The following PCDHA4 variants were observed in gnomAD, a reference collection of about 807,000 sequenced individuals.
The protein encoded by PCDHA4 is protocadherin alpha-4.
A neutral mutation model predicts 61.4 loss-of-function variants in PCDHA4; 49 were observed. That is an observed-to-expected ratio of 0.80 (90% CI 0.63 to 1.01). The LOEUF (loss-of-function observed/expected upper bound fraction) is 1.01. Among genes scored for constraint, PCDHA4 ranks in the 50% least tolerant of loss-of-function variants. The pLI is 0.00. For missense variants in PCDHA4, 1,254 were observed against 1,235.8 expected (o/e 1.01, Z -0.22); for synonymous variants, 590 against 550.3 (o/e 1.07, Z -1.01).
At chr5:140,820,800 A>G (rs2150108039) in intron 1 of PCDHA4, among the ~76,000 whole-genome samples, 2 of 152,224 alleles carry the variant, frequency 1.3e-5, no homozygotes, top group South Asian at 2.1e-4. Context: ...AAAGGTATGT[A>G]TTTTACAATT....
chr5:140,857,650 G>T, intron 1 of PCDHA4: 1 of 1,596,744 alleles, frequency 6.3e-7, no homozygotes, highest in East Asian at 2.2e-5. Flanking sequence ...AGTTCCAGGT[G>T]AGCGCGCGCG....
chr5:140,982,802 T>G (rs2153829847), intron 3 of PCDHA4, among the ~76,000 whole-genome samples: 1 of 152,122 alleles, frequency 6.6e-6, no homozygotes, highest in South Asian at 2.1e-4. Context: ...TGCATGTGTG[T>G]GTGTGTGTAT....
At chr5:140,823,393 G>T in intron 1 of PCDHA4, 1 of 1,612,960 alleles carries the variant, frequency 6.2e-7, no homozygotes, top group Non-Finnish European at 8.5e-7. Flanking sequence ...GCGCGACGCG[G>T]GCGTGCCGCC....
chr5:140,897,368 GTTCCC>G (rs533733561), intron 1 of PCDHA4, among the ~76,000 whole-genome samples: 1,322 of 125,926 alleles, frequency 0.01, 14 homozygotes, highest in African/African-American at 0.03. Flanking sequence ...AGAGTGTGAT[GTTCCC>G]TTCCCCTTCC....
At chr5:140,884,622 GAAC>G (rs1562808706) in intron 1 of PCDHA4, 7 of 1,613,830 alleles carry the variant, frequency 4.3e-6, no homozygotes, top group Non-Finnish European at 5.9e-6. Flanking sequence ...TCTGCAGAGG[GAAC>G]AGGCCAGAGG....
chr5:140,886,705 A>T (rs1293719338), intron 1 of PCDHA4, among the ~76,000 whole-genome samples: 3 of 152,058 alleles, frequency 2.0e-5, no homozygotes, highest in Non-Finnish European at 2.9e-5. Flanking sequence ...ACGCGCCTGT[A>T]ATCCCAGCTA....
chr5:140,877,310 C>A, intron 1 of PCDHA4: 2 of 1,613,938 alleles, frequency 1.2e-6, no homozygotes, highest in Non-Finnish European at 1.7e-6. Context: ...GAGTTGCAAC[C>A]GGCGGCGGTC....
At chr5:140,982,807 G>A (rs2097006971) in intron 3 of PCDHA4, among the ~76,000 whole-genome samples, 2 of 152,048 alleles carry the variant, frequency 1.3e-5, no homozygotes, top group South Asian at 4.1e-4. Flanking sequence ...GTGTGTGTGT[G>A]TGTATGAAGT....
At chr5:140,951,395 G>A (rs1036290024) in intron 1 of PCDHA4, among the ~76,000 whole-genome samples, 1 of 152,030 alleles carries the variant, frequency 6.6e-6, no homozygotes, top group African/African-American at 2.4e-5. Flanking sequence ...AATTTATAAA[G>A]AAAAGAGGTT....
chr5:140,818,904 A>G (rs1411699157), intron 1 of PCDHA4, among the ~76,000 whole-genome samples: 1 of 152,222 alleles, frequency 6.6e-6, no homozygotes, highest in Non-Finnish European at 1.5e-5. Flanking sequence ...ATTTAGCTTC[A>G]TTGTCCCTTT....
At chr5:140,856,985 A>G (rs1463839145) in intron 1 of PCDHA4, 1 of 1,595,232 alleles carries the variant, frequency 6.3e-7, no homozygotes, top group Non-Finnish European at 8.6e-7. Flanking sequence ...TGAGGACAGT[A>G]ACACTTATGA....
intron 1 of PCDHA4, among the ~76,000 whole-genome samples, chr5:140,902,720 C>A (rs371638113): frequency 6.6e-6 from 1 of 152,050 alleles, no homozygotes; most frequent in African/African-American, 2.4e-5. Flanking sequence ...CCCCTCCCAC[C>A]CTTCCCTCCA....
intron 1 of PCDHA4, among the ~76,000 whole-genome samples, chr5:140,978,085 C>T (rs1056593415): frequency 2.2e-4 from 33 of 152,186 alleles, no homozygotes; most frequent in African/African-American, 8.0e-4. Flanking sequence ...AGCTTCTAAC[C>T]AGCACATAAC....
chr5:140,905,664 T>A (rs1456741391), intron 1 of PCDHA4, among the ~76,000 whole-genome samples: 1 of 152,246 alleles, frequency 6.6e-6, no homozygotes, highest in African/African-American at 2.4e-5. Flanking sequence ...CTGTCATCCA[T>A]TAACATGGAA....
At position 140,857,447 on chromosome 5, in the gene PCDHA4, A is replaced by G; in HGVS notation, c.2385+47875A>G. On this transcript the variant is annotated intron_variant, in intron 1 of 3. Transcript: ENST00000530339. ...GTACACGGTGTTCGTGAAGGAGAACAACCCGCCAGGCTGCCACATCTTCAC... is the reference window on the plus strand; with the variant it reads ...GTACACGGTGTTCGTGAAGGAGAACGACCCGCCAGGCTGCCACATCTTCAC... 2 of 1,598,502 alleles carry G rather than the reference A, an allele frequency of 1.3e-6. 1 individual carries two copies. The highest frequency in any genetic ancestry group is 1.7e-6 in the Non-Finnish European group (2 of 1,167,850).
intron 1 of PCDHA4, chr5:140,876,996 G>T (rs1554169201): frequency 1.2e-6 from 2 of 1,612,618 alleles, no homozygotes; most frequent in East Asian, 2.2e-5. Context: ...CGAGCTACGT[G>T]TCGGTGCACG....
At position 140,852,208 on chromosome 5, in the gene PCDHA4, C is replaced by G. The variant is rs536842960; in HGVS notation, c.2385+42636C>G. On this transcript the variant is annotated intron_variant, in intron 1 of 3. Transcript: ENST00000530339. ...AAATGCCAGTAACGTTTATTTAAAA[C>G]AAAATATTTTAATTTTTAAATTTTC... 9.1e-6 allele frequency: 6 copies of G among 657,544 alleles called. No homozygotes were observed. In the African/African-American group the frequency reaches 1.2e-4, roughly 13 times the overall value. The allele number at this position is 657,544 out of a possible 1,614,324, so 40.7% of individuals were successfully genotyped here. A position where few individuals can be genotyped will look rare whatever the true frequency, so the allele number is the denominator to read the frequency against.
intron 1 of PCDHA4, among the ~76,000 whole-genome samples, chr5:140,839,019 G>A (rs1394721397): frequency 6.6e-6 from 1 of 151,970 alleles, no homozygotes; most frequent in African/African-American, 2.4e-5. Flanking sequence ...AATTATTTTA[G>A]GATATGTTAC....
chr5:140,845,796 C>A (rs1780039234), intron 1 of PCDHA4, among the ~76,000 whole-genome samples: 1 of 149,428 alleles, frequency 6.7e-6, no homozygotes, highest in African/African-American at 2.5e-5. Flanking sequence ...TAAACTCTGG[C>A]AAGTGATAGG....
Sources: gnomAD v4.1 joint callset for allele counts (sites outside exome capture counted in the v4.1 genomes callset) on GRCh38, gnomAD v4.1.1 for gene constraint, MANE v1.5 for transcripts, NCBI Gene and HGNC (gene_info 2026-07-23, HGNC 2026-07-21) for gene names.